Variants in ZDHHC14 observed in about 807,000 individuals in gnomAD.
ZDHHC14 encodes zDHHC palmitoyltransferase 14.
In ZDHHC14, 16 loss-of-function variants were observed where a neutral mutation model predicts 47.7. The observed-to-expected ratio is 0.34, with a 90% CI of 0.23 to 0.51. The LOEUF is 0.51. ZDHHC14 is among the 20% of genes least tolerant of loss of function. The pLI is 0.97. For synonymous variants in ZDHHC14, 293 were observed against 278.9 expected, an observed-to-expected ratio of 1.05 and a Z score of -0.50; for missense variants, 515 against 662.5, an observed-to-expected ratio of 0.78 and a Z score of 2.44.
At chr6:157,628,573 C>A in intron 4 of ZDHHC14, 87 bp downstream of exon 4, 1 of 1,527,698 alleles carries the variant, frequency 6.5e-7, no homozygotes, top group Non-Finnish European at 8.8e-7. Context: ...ATATTTTGGT[C>A]ATTTCGGGCT....
intron 3 of ZDHHC14, among the ~76,000 whole-genome samples, chr6:157,608,915 T>C (rs1039441354): frequency 3.3e-5 from 5 of 152,086 alleles, no homozygotes; most frequent in Non-Finnish European, 7.4e-5. Context: ...AAGATGTGGA[T>C]GATTCCAGAA....
At chr6:157,644,854 GA>G (rs1424419467) in intron 5 of ZDHHC14, among the ~76,000 whole-genome samples, 1 of 152,180 alleles carries the variant, frequency 6.6e-6, no homozygotes, top group Non-Finnish European at 1.5e-5. Context: ...CCTGTAAATA[GA>G]ATGTTATAAA....
chr6:157,626,426 CATAG>C (rs1446396309), intron 3 of ZDHHC14, among the ~76,000 whole-genome samples: 6 of 152,148 alleles, frequency 3.9e-5, no homozygotes, highest in Admixed American at 1.3e-4. Flanking sequence ...CACGTTGACA[CATAG>C]ATAGATTTCT....
intron 8 of ZDHHC14, among the ~76,000 whole-genome samples, chr6:157,654,538 G>A (rs1226664496): frequency 1.3e-5 from 2 of 152,100 alleles, no homozygotes; most frequent in Non-Finnish European, 2.9e-5. Context: ...GTGGGCAGCA[G>A]CCCAGAACAC....
At chr6:157,587,949 G>A (rs1783756434) in intron 2 of ZDHHC14, among the ~76,000 whole-genome samples, 1 of 152,072 alleles carries the variant, frequency 6.6e-6, no homozygotes, top group Non-Finnish European at 1.5e-5. Flanking sequence ...GTGAGACCTT[G>A]TCTCTATAAA....
At chr6:157,628,258 GTA>G in intron 3 of ZDHHC14, 89 bp from the exon 4 acceptor site, 1 of 1,242,806 alleles carries the variant, frequency 8.0e-7, no homozygotes, top group South Asian at 1.4e-5. Flanking sequence ...TACTATCAGA[GTA>G]TTGGGTGGGA....
chr6:157,412,370 A>C (rs1777887403), intron 1 of ZDHHC14, among the ~76,000 whole-genome samples: 2 of 150,740 alleles, frequency 1.3e-5, no homozygotes, highest in South Asian at 4.3e-4. Flanking sequence ...TTGGCTCACT[A>C]TAACCTCTAC....
chr6:157,559,966 TAG>T (rs769006544), intron 2 of ZDHHC14, among the ~76,000 whole-genome samples: 5 of 152,182 alleles, frequency 3.3e-5, no homozygotes, highest in Non-Finnish European at 7.3e-5. Flanking sequence ...ATGTTCATGA[TAG>T]AGTTATTTAT....
At chr6:157,634,763 G>A (rs893997939) in intron 5 of ZDHHC14, among the ~76,000 whole-genome samples, 2 of 152,240 alleles carry the variant, frequency 1.3e-5, no homozygotes, top group African/African-American at 4.8e-5. Flanking sequence ...GCGTGTGCAG[G>A]AGGCCTGGTG....
At chr6:157,606,430 C>A (rs1784542426) in intron 3 of ZDHHC14, among the ~76,000 whole-genome samples, 1 of 152,108 alleles carries the variant, frequency 6.6e-6, no homozygotes, top group African/African-American at 2.4e-5. Context: ...CGCGCCACTG[C>A]ATTCCAACCT....
chr6:157,547,153 G>T (rs1218190472), intron 2 of ZDHHC14, among the ~76,000 whole-genome samples: 1 of 152,178 alleles, frequency 6.6e-6, no homozygotes, highest in Non-Finnish European at 1.5e-5. Flanking sequence ...ACTTCCCCAG[G>T]CAGAGTAGAT....
intron 1 of ZDHHC14, among the ~76,000 whole-genome samples, chr6:157,467,451 T>G (rs768589742): frequency 2.6e-5 from 4 of 152,182 alleles, no homozygotes; most frequent in Non-Finnish European, 5.9e-5. Context: ...CTGGCTTCTC[T>G]CACTCAGCAT....
chr6:157,624,702 A>C (rs766099684), intron 3 of ZDHHC14, among the ~76,000 whole-genome samples: 11 of 152,210 alleles, frequency 7.2e-5, no homozygotes, highest in African/African-American at 1.2e-4. Flanking sequence ...ACCTTGGGCA[A>C]TGCACTTACT....
intron 1 of ZDHHC14, among the ~76,000 whole-genome samples, chr6:157,506,481 T>C (rs960503198): frequency 7.9e-5 from 12 of 152,226 alleles, no homozygotes; most frequent in Admixed American, 1.3e-4. Context: ...CTGTTATTTG[T>C]GCATGAGATG....
At chr6:157,649,452 GC>G (rs1777716833) in intron 7 of ZDHHC14, among the ~76,000 whole-genome samples, 1 of 152,202 alleles carries the variant, frequency 6.6e-6, no homozygotes, top group South Asian at 2.1e-4. Flanking sequence ...GCCTACCTTT[GC>G]CCCTCCCTCT....
At chr6:157,567,638 G>A (rs959961479) in intron 2 of ZDHHC14, among the ~76,000 whole-genome samples, 5 of 152,126 alleles carry the variant, frequency 3.3e-5, no homozygotes, top group African/African-American at 7.2e-5. Flanking sequence ...CCAACATGGC[G>A]AAACCCCATC....
intron 1 of ZDHHC14, among the ~76,000 whole-genome samples, chr6:157,432,808 A>C (rs1394312221): frequency 1.3e-5 from 2 of 152,192 alleles, no homozygotes; most frequent in Non-Finnish European, 2.9e-5. Flanking sequence ...AGGTAACACC[A>C]AAAAATGGGG....
intron 1 of ZDHHC14, among the ~76,000 whole-genome samples, chr6:157,522,264 C>G (rs1780945826): frequency 6.6e-6 from 1 of 152,138 alleles, no homozygotes; most frequent in African/African-American, 2.4e-5. Flanking sequence ...AATATTATGT[C>G]AAAAGCCAAA....
In ZDHHC14 at chr6:157,463,722, G is replaced by C. The variant is rs1053193893; in HGVS notation, c.246-78863G>C. 6.6e-6 allele frequency among the ~76,000 whole-genome samples: 1 copy of C among 152,160 alleles called. No individual in the cohort carries two copies. Among genetic ancestry groups the C allele is most frequent in the Non-Finnish European group, 1.5e-5 (1 of 68,028 alleles). On this transcript the variant is annotated intron_variant, in intron 1 of 8. Coordinates refer to ENST00000359775, the MANE Select transcript of ZDHHC14 (RefSeq NM_024630.3). This position sits in a 1 kb window ranked among gnomAD's most constrained non-coding sequence, Gnocchi z 4.4. ...TGTCTCCCCGCTTTACCTTTCATTAGTCAGATCTGAAAATTAACACCAGCC... is the reference window on the plus strand; with the variant it reads ...TGTCTCCCCGCTTTACCTTTCATTACTCAGATCTGAAAATTAACACCAGCC...
Sources: allele counts gnomAD v4.1 joint callset (sites outside exome capture counted in the v4.1 genomes callset), GRCh38; gene constraint gnomAD v4.1.1; non-coding constraint Gnocchi (gnomAD v3.1); transcripts MANE v1.5; gene names NCBI Gene and HGNC (gene_info 2026-07-23, HGNC 2026-07-21).